SYT7: variants seen among roughly 807,000 people sequenced by gnomAD.
The protein encoded by SYT7 is synaptotagmin-7.
Under a neutral mutation model 75.1 loss-of-function variants are expected in SYT7, and 29 were observed. The observed-to-expected ratio is 0.39, with a 90% CI of 0.29 to 0.53. The LOEUF (loss-of-function observed/expected upper bound fraction) is 0.53. Ranked by LOEUF, SYT7 falls within the 20% of genes least tolerant of loss-of-function variation. SYT7 has a pLI of 0.77. For missense variants in SYT7, 693 were observed against 953.2 expected (o/e 0.73, Z 3.59); for synonymous variants, 376 against 401.7 (o/e 0.94, Z 0.76).
At position 61,540,385 on chromosome 11, in the gene SYT7, C is replaced by T. The variant is rs140410864; in HGVS notation, c.941+1826G>A. The stretch of plus-strand genomic sequence containing the variant: ...AAAGCAAGGGGCAAATTACGGCCCA[C>T]GAGCTAAGAGTGGTTTTTACATTTT... On this transcript the variant is annotated intron_variant, in intron 6 of 12. Transcript: ENST00000539008. 2.1e-3 allele frequency: 1,076 copies of T among 507,388 alleles called. 11 individuals are homozygous for T. The South Asian group carries it at 0.035, about 17-fold the overall frequency. The allele number at this position is 507,388 out of a possible 1,614,324, so 31.4% of individuals were successfully genotyped here.
intron 1 of SYT7, among the ~76,000 whole-genome samples, chr11:61,572,202 TG>T (rs2063942865): frequency 6.6e-6 from 1 of 152,116 alleles, no homozygotes; most frequent in Non-Finnish European, 1.5e-5. Context: ...CCCCTTCTCC[TG>T]AGAGCCTCCC....
At chr11:61,552,983 G>A (rs1203709803) in intron 2 of SYT7, among the ~76,000 whole-genome samples, 2 of 152,156 alleles carry the variant, frequency 1.3e-5, no homozygotes, top group Non-Finnish European at 2.9e-5. Context: ...CTGGTACTTA[G>A]TGTGGAACCT....
rs146022748 is a variant in SYT7, at chr11:61,530,917, G to A, written c.1200+2072C>T. The A allele has an allele frequency of 2.1e-3, 2,052 of 985,420 alleles. 36 individuals are homozygous for A. The African/African-American group carries it at 0.031, about 15-fold the overall frequency. The allele number at this position is 985,420 out of a possible 1,614,324, so 61.0% of individuals were successfully genotyped here. The stretch of plus-strand genomic sequence containing the variant: ...CAGGGAAGGTGCTTCCTGAGCGCTT[G>A]CACCAGCAGAAGTCAGCCTCGAAAA... On this transcript the variant is annotated intron_variant, in intron 8 of 12. Transcript: ENST00000539008.
Position 61,542,438 on chromosome 11 carries a change from C to T in SYT7, c.714G>A (p.Arg238=). The change falls in exon 6 of 13, where the codon CGG becomes CGA. Residue 238 remains arginine, a synonymous_variant. Transcript: ENST00000539008. This position sits in a 1 kb window ranked among gnomAD's most constrained non-coding sequence, Gnocchi z 7.8. ...GGCTGGTGGTGGGCTGGCTGGGCTG[C>T]CGGCCCCGCTGGTGCTGGCTCAGCG... is the stretch of plus-strand genomic sequence containing the variant. ...QQPLSQHQRG[R]QPSQPTTSQS... is the part of the protein sequence containing the mutation. The T allele has an allele frequency of 6.5e-7, 1 of 1,532,740 alleles. No homozygotes were observed. Among genetic ancestry groups the T allele is most frequent in the South Asian group, 1.2e-5 (1 of 83,866 alleles). 94.9% of individuals were successfully genotyped at this position (1,532,740 alleles called of 1,614,324 possible).
At position 61,551,622 on chromosome 11, in the gene SYT7, C is replaced by T. The variant is rs2063353696; in HGVS notation, c.136-159G>A. On this transcript the variant is annotated intron_variant, in intron 2 of 12. Coordinates refer to ENST00000539008, the MANE Select transcript of SYT7 (RefSeq NM_001365809.2). The surrounding 1 kb of genome is among the most constrained non-coding windows in gnomAD (Gnocchi z 5.3). Reference sequence around the variant, plus strand: ...GGCTGTCACCGCGGTGGGGGCCAATCCCCTGGATGCCTGCTCCCCGGTTGG... The same window carrying T: ...GGCTGTCACCGCGGTGGGGGCCAATTCCCTGGATGCCTGCTCCCCGGTTGG... Among the ~76,000 whole-genome samples the T allele has an allele frequency of 6.6e-6, 1 of 152,082 alleles. No homozygotes were observed. Among genetic ancestry groups the T allele is most frequent in the Non-Finnish European group, 1.5e-5 (1 of 67,986 alleles).
At chr11:61,529,895 A>T (rs1310984276) in intron 8 of SYT7, among the ~76,000 whole-genome samples, 1 of 152,156 alleles carries the variant, frequency 6.6e-6, no homozygotes, top group South Asian at 2.1e-4. Flanking sequence ...TCAGCTTCCC[A>T]AAGTGCGGAG....
Position 61,528,162 on chromosome 11 carries a change from A to C in SYT7, c.1224T>G (p.Asp408Glu). ...MLMLSPGSEEDEAHEGCSREN... is the reference protein window; with the variant it reads ...MLMLSPGSEEEEAHEGCSREN... The stretch of plus-strand genomic sequence containing the variant: ...CTCGGCTGCAACCCTCGTGGGCCTC[A>C]TCCTCCTCGGAGCCTGGGGAGAGCT... The change falls in exon 9 of 13, where the codon GAT becomes GAG. Residue 408 changes from aspartate (D) to glutamate (E), a missense_variant. Asp to Glu is a conservative substitution (Grantham distance 45). This residue lies in a region of SYT7 where 487 missense variants were observed against 593.2 expected (regional missense o/e 0.82). Coordinates refer to ENST00000539008, the MANE Select transcript of SYT7 (RefSeq NM_001365809.2). 8 of 1,612,184 alleles carry C rather than the reference A, an allele frequency of 5.0e-6. No homozygotes were observed. Among genetic ancestry groups the C allele is most frequent in the Non-Finnish European group, 6.8e-6 (8 of 1,179,936 alleles).
intron 7 of SYT7, chr11:61,533,813 C>T: frequency 3.3e-6 from 1 of 307,470 alleles, no homozygotes. Flanking sequence ...TGAATGTAAG[C>T]TCATTTAGTT....
rs1285369099 is a variant in SYT7 at position 61,523,095 on chromosome 11, G to A, written c.1936C>T (p.Arg646Cys). 1.9e-6 allele frequency: 3 copies of A among 1,614,130 alleles called. No individual in the cohort carries two copies. The highest frequency in any genetic ancestry group is 2.5e-6 in the Non-Finnish European group (3 of 1,180,036). Residue 646 changes from arginine (R) to cysteine (C), a missense_variant, in exon 12 of 13, where the codon CGC becomes TGC. Arg to Cys is a radical substitution (Grantham distance 180). Around this residue, in one of 2 missense-constraint regions of SYT7, gnomAD observed 206 missense variants for 360.0 expected, o/e 0.57. Transcript: ENST00000539008. This position sits in a 1 kb window ranked among gnomAD's most constrained non-coding sequence, Gnocchi z 5.0. Reference sequence around the variant, plus strand: ...CCTACCTTGCCGATGACGTCATTGCGGCTGAGCTTGTCCTTGTCCATGACA... The same window carrying A: ...CCTACCTTGCCGATGACGTCATTGCAGCTGAGCTTGTCCTTGTCCATGACA... ...ITVMDKDKLS[R>C]NDVIGKIYLS... is the part of the protein sequence containing the mutation.
At chr11:61,566,707 T>A (rs2063778633) in intron 1 of SYT7, among the ~76,000 whole-genome samples, 1 of 152,218 alleles carries the variant, frequency 6.6e-6, no homozygotes, top group African/African-American at 2.4e-5. Flanking sequence ...GATGATTAAG[T>A]GTGGGCCTTG....
At chr11:61,566,119 C>G (rs1668405156) in intron 1 of SYT7, among the ~76,000 whole-genome samples, 1 of 152,272 alleles carries the variant, frequency 6.6e-6, no homozygotes, top group Admixed American at 6.5e-5. Flanking sequence ...TTCCCTACCT[C>G]TGCTGTCTCT....
intron 1 of SYT7, among the ~76,000 whole-genome samples, chr11:61,562,399 G>C (rs968550817): frequency 6.6e-6 from 1 of 152,198 alleles, no homozygotes; most frequent in Non-Finnish European, 1.5e-5. Context: ...GCTGATAATA[G>C]TATAGTCTCA....
At chr11:61,564,667 G>C (rs1041386652) in intron 1 of SYT7, among the ~76,000 whole-genome samples, 2 of 152,138 alleles carry the variant, frequency 1.3e-5, no homozygotes, top group African/African-American at 4.8e-5. Context: ...TCTGAGAATA[G>C]ACAGAAAAGA....
chr11:61,516,995 AT>A lies in SYT7; in HGVS notation c.*1631del, dbSNP rs1249000830. ...TGCCAATGGTCTCCCCACGCCCTGG[AT>A]GTGGGGACCCTATCCAGAGTCCCCT... On this transcript the variant is annotated 3_prime_UTR_variant, in exon 13 of 13. Transcript: ENST00000539008. The surrounding 1 kb of genome is among the most constrained non-coding windows in gnomAD (Gnocchi z 4.6). 6 of 350,980 alleles carry A rather than the reference AT, an allele frequency of 1.7e-5. No individual in the cohort carries two copies. The highest frequency in any genetic ancestry group is 3.1e-5 in the Non-Finnish European group (6 of 196,530). The allele number at this position is 350,980 out of a possible 1,614,324, so 21.7% of individuals were successfully genotyped here.
chr11:61,531,021 C>T (rs1233951045), intron 8 of SYT7: 2 of 985,334 alleles, frequency 2.0e-6, no homozygotes, highest in Middle Eastern at 5.2e-4. Context: ...CACCTCTGCC[C>T]CTCAGCTCCT....
rs964061683 is a variant in SYT7 at position 61,523,881 on chromosome 11, C to T, written c.1702G>A (p.Val568Met). The change falls in exon 11 of 13, where the codon GTG becomes ATG. Residue 568 changes from valine (V) to methionine (M), a missense_variant. Val to Met is a conservative substitution (Grantham distance 21). Coordinates refer to ENST00000539008, the MANE Select transcript of SYT7 (RefSeq NM_001365809.2). The surrounding 1 kb of genome is among the most constrained non-coding windows in gnomAD (Gnocchi z 5.0). Reference sequence around the variant, plus strand: ...AGGTTCCGGGCTTTGATGATGTTCACGATGATGGAGTTGGCAGAGGGGTTG... The same window carrying T: ...AGGTTCCGGGCTTTGATGATGTTCATGATGATGGAGTTGGCAGAGGGGTTG... Reference protein sequence around the residue: ...CYNPSANSIIVNIIKARNLKA... With the variant: ...CYNPSANSIIMNIIKARNLKA... 5.0e-6 allele frequency: 8 copies of T among 1,614,002 alleles called. No homozygotes were observed. The highest frequency in any genetic ancestry group is 1.1e-5 in the South Asian group (1 of 91,076).
chr11:61,523,281 G>C lies in SYT7; in HGVS notation c.1757-7C>G. On this transcript the variant is annotated splice_polypyrimidine_tract_variant and splice_region_variant and intron_variant, in intron 11 of 12. Transcript: ENST00000539008. The surrounding 1 kb of genome is among the most constrained non-coding windows in gnomAD (Gnocchi z 5.0). ...CATACCTTCACGTAGGGGTCTAGGG[G>C]AGGGAGTGGGGAAGGGTTAGAGGGA... 7 of 1,614,060 alleles carry C rather than the reference G, an allele frequency of 4.3e-6. No individual in the cohort carries two copies. The highest frequency in any genetic ancestry group is 5.9e-6 in the Non-Finnish European group (7 of 1,179,928).
At chr11:61,547,669 G>A (rs1210237821) in intron 3 of SYT7, among the ~76,000 whole-genome samples, 1 of 152,036 alleles carries the variant, frequency 6.6e-6, no homozygotes, top group African/African-American at 2.4e-5. Flanking sequence ...AGGGGAGAAG[G>A]GTTGGGGATG....
At chr11:61,564,305 C>G (rs1367276790) in intron 1 of SYT7, among the ~76,000 whole-genome samples, 1 of 152,176 alleles carries the variant, frequency 6.6e-6, no homozygotes, top group Non-Finnish European at 1.5e-5. Flanking sequence ...CAGAGTTGTT[C>G]CATCACCCGC....
Sources: allele counts gnomAD v4.1 joint callset (sites outside exome capture counted in the v4.1 genomes callset), GRCh38; gene constraint gnomAD v4.1.1; regional missense constraint gnomAD v4.1.1; non-coding constraint Gnocchi (gnomAD v3.1); transcripts MANE v1.5; gene names NCBI Gene and HGNC (gene_info 2026-07-23, HGNC 2026-07-21).